Variants in PALB2 observed in about 807,000 individuals in gnomAD.
PALB2 encodes partner and localizer of BRCA2, also known as mutant partner and localizer of BRCA2.
Under a neutral mutation model 107.4 loss-of-function variants are expected in PALB2, and 82 were observed. That is an observed-to-expected ratio of 0.76 (90% CI 0.64 to 0.92). The LOEUF is 0.92. PALB2 is among the 40% of genes least tolerant of loss of function. The pLI is 0.00. For synonymous variants in PALB2, 489 were observed against 496.8 expected, an observed-to-expected ratio of 0.98 and a Z score of 0.21; for missense variants, 1,374 against 1,379.9, an observed-to-expected ratio of 1.00 and a Z score of 0.07.
intron 1 of PALB2, among the ~76,000 whole-genome samples, chr16:23,638,911 C>A (rs959761182): frequency 6.6e-6 from 1 of 152,128 alleles, no homozygotes; most frequent in Non-Finnish European, 1.5e-5. Flanking sequence ...TATAAAAGCT[C>A]TGCAGTGGAA....
rs57605939 is a variant in PALB2, at chr16:23,635,917, G to A, written c.629C>T (p.Pro210Leu). The part of the protein sequence containing the change: ...LSLKSELPDS[P>L]EPVTEINEDS... ...TTCATTAATTTCTGTAACTGGTTCTGGAGAATCTGGAAGTTCAGATTTAAG... is the reference window on the plus strand; with the variant it reads ...TTCATTAATTTCTGTAACTGGTTCTAGAGAATCTGGAAGTTCAGATTTAAG... Residue 210 changes from proline to leucine, a missense_variant, in exon 4 of 13, where the codon CCA becomes CTA. Transcript: ENST00000261584. 5,848 of 1,614,072 alleles carry A rather than the reference G, an allele frequency of 3.6e-3. 191 individuals carry two copies. In the African/African-American group the frequency reaches 0.069, roughly 19 times the overall value.
intron 11 of PALB2, among the ~76,000 whole-genome samples, chr16:23,613,071 A>C (rs113329586): frequency 5.3e-5 from 8 of 151,128 alleles, no homozygotes; most frequent in African/African-American, 1.9e-4. Flanking sequence ...GGGTACATGT[A>C]TTTGTTATGT....
At chr16:23,628,137 T>C (rs1488711221) in intron 6 of PALB2, among the ~76,000 whole-genome samples, 2 of 152,188 alleles carry the variant, frequency 1.3e-5, no homozygotes, top group Admixed American at 6.5e-5. Flanking sequence ...GGCACGAGAA[T>C]TGCTTGAACC....
intron 6 of PALB2, among the ~76,000 whole-genome samples, chr16:23,627,235 C>G (rs1966845170): frequency 6.6e-6 from 1 of 151,862 alleles, no homozygotes; most frequent in African/African-American, 2.4e-5. Context: ...CGCCTGTAAT[C>G]CCAGCACTTT....
rs2142409040 is a variant in PALB2 at position 23,634,847 on chromosome 16, C to T, written c.1684+15G>A. ...CATCATCATCATCATCATCATCAAA[C>T]ACATCTTGATTTACCTTTCACTTGA... On this transcript the variant is annotated intron_variant, in intron 4 of 12. Transcript: ENST00000261584. 6.2e-7 allele frequency: 1 copy of T among 1,608,000 alleles called. No individual in the cohort carries two copies. Among genetic ancestry groups the T allele is most frequent in the Non-Finnish European group, 8.5e-7 (1 of 1,176,688 alleles).
At position 23,635,983 on chromosome 16, in the gene PALB2, G is replaced by C. The variant is rs587781975; in HGVS notation, c.563C>G (p.Ala188Gly). 6.8e-6 allele frequency: 11 copies of C among 1,613,984 alleles called. No individual in the cohort carries two copies. The highest frequency in any genetic ancestry group is 9.3e-6 in the Non-Finnish European group (11 of 1,180,030). ...EQEEISSKNP[A>G]RSPVTEIRTH... ...TCTTATTTCAGTTACTGGTGATCTA[G>C]CAGGATTTTTGCTACTGATTTCTTC... Residue 188 changes from alanine (A) to glycine (G), a missense_variant, in exon 4 of 13, where the codon GCT becomes GGT. By Grantham distance (60) the Ala-to-Gly change is moderately conservative. Coordinates refer to ENST00000261584, the MANE Select transcript of PALB2 (RefSeq NM_024675.4).
chr16:23,631,038 C>A (rs928172457), intron 4 of PALB2, among the ~76,000 whole-genome samples: 1 of 147,116 alleles, frequency 6.8e-6, no homozygotes, highest in East Asian at 2.0e-4. Context: ...CTGAGGCAGG[C>A]GGATCACTTG....
At chr16:23,638,585 T>G (rs1967124560) in intron 1 of PALB2, 2 of 455,844 alleles carry the variant, frequency 4.4e-6, no homozygotes, top group African/African-American at 4.0e-5. Context: ...TCCAGGTATC[T>G]CTAGTACCTG....
Position 23,621,493 on chromosome 16 carries a change from G to T in PALB2, c.2997-15C>A, listed in dbSNP as rs1966773679. 1.3e-6 allele frequency: 2 copies of T among 1,526,558 alleles called. No homozygotes were observed. Among genetic ancestry groups the T allele is most frequent in the Non-Finnish European group, 1.8e-6 (2 of 1,100,548 alleles). 94.6% of individuals were successfully genotyped at this position (1,526,558 alleles called of 1,614,324 possible). A position where few individuals can be genotyped will look rare whatever the true frequency, so the allele number is the denominator to read the frequency against. On this transcript the variant is annotated splice_polypyrimidine_tract_variant and intron_variant, in intron 9 of 12. Coordinates refer to ENST00000261584, the MANE Select transcript of PALB2 (RefSeq NM_024675.4). ...TTTCTTTGCCTCTGTAATTAAAACAGTATGAAAAGTCAGTACTTTGCACTA... is the reference window on the plus strand; with the variant it reads ...TTTCTTTGCCTCTGTAATTAAAACATTATGAAAAGTCAGTACTTTGCACTA...
chr16:23,636,449 C>G lies in PALB2; in HGVS notation c.212-115G>C, dbSNP rs960700650. 5 of 753,074 alleles carry G rather than the reference C, an allele frequency of 6.6e-6. No individual in the cohort carries two copies. The African/African-American group carries it at 8.9e-5, about 13-fold the overall frequency. 46.6% of individuals were successfully genotyped at this position (753,074 alleles called of 1,614,324 possible). A position where few individuals can be genotyped will look rare whatever the true frequency, so the allele number is the denominator to read the frequency against. ...ACTAAACATTTATTTAAGAAAGAATCAGTGACATTTCATTCAGGCAGATGA... is the reference window on the plus strand; with the variant it reads ...ACTAAACATTTATTTAAGAAAGAATGAGTGACATTTCATTCAGGCAGATGA... On this transcript the variant is annotated intron_variant, in intron 3 of 12. Transcript: ENST00000261584.
At chr16:23,618,586 C>T (rs913745061) in intron 10 of PALB2, among the ~76,000 whole-genome samples, 5 of 151,584 alleles carry the variant, frequency 3.3e-5, no homozygotes, top group African/African-American at 7.3e-5. Context: ...TAAAAAATGA[C>T]CTGCGTTTGA....
At chr16:23,627,978 C>T (rs1966849918) in intron 6 of PALB2, among the ~76,000 whole-genome samples, 3 of 152,258 alleles carry the variant, frequency 2.0e-5, no homozygotes, top group Non-Finnish European at 1.5e-5. Context: ...GATCCCAGCA[C>T]TTTGGGAGGC....
Position 23,623,143 on chromosome 16 carries a change from T to C in PALB2, c.2835-13A>G, listed in dbSNP as rs1478108462. On this transcript the variant is annotated splice_polypyrimidine_tract_variant and intron_variant, in intron 8 of 12. Coordinates refer to ENST00000261584, the MANE Select transcript of PALB2 (RefSeq NM_024675.4). ...ACAAAACAATGCCCTAAGCCAAATA[T>C]AAGGAAAAATGGGGTGATGTGAGGA... is the stretch of plus-strand genomic sequence containing the variant. The C allele has an allele frequency of 6.2e-7, 1 of 1,608,934 alleles. No individual in the cohort carries two copies. The highest frequency in any genetic ancestry group is 1.3e-5 in the African/African-American group (1 of 74,238).
At chr16:23,611,541 C>T (rs1966588902) in intron 11 of PALB2, among the ~76,000 whole-genome samples, 1 of 152,140 alleles carries the variant, frequency 6.6e-6, no homozygotes, top group East Asian at 1.9e-4. Context: ...TCACTACAAC[C>T]TCTGCCCCCT....
chr16:23,611,466 A>T (rs779260), intron 11 of PALB2, among the ~76,000 whole-genome samples: 85,620 of 146,138 alleles, frequency 0.59, 24,618 homozygotes, highest in Admixed American at 0.64. Flanking sequence ...TATTATTATT[A>T]TTTTTTTTTG....
chr16:23,632,167 G>C lies in PALB2; in HGVS notation c.1685-1698C>G, dbSNP rs151323700. On this transcript the variant is annotated intron_variant, in intron 4 of 12. Transcript: ENST00000261584. Reference sequence around the variant, plus strand: ...TAAAAACATTATGCTAAGTGGCCAGGCTCAGTGGCTCACACCTATAATCCC... The same window carrying C: ...TAAAAACATTATGCTAAGTGGCCAGCCTCAGTGGCTCACACCTATAATCCC... 5.0e-4 allele frequency among the ~76,000 whole-genome samples: 76 copies of C among 152,306 alleles called. 1 individual carries two copies. The highest frequency in any genetic ancestry group is 5.9e-4 in the Non-Finnish European group (40 of 68,032).
intron 10 of PALB2, among the ~76,000 whole-genome samples, chr16:23,619,882 C>T (rs999656401): frequency 1.1e-4 from 17 of 152,078 alleles, no homozygotes; most frequent in African/African-American, 3.1e-4. Context: ...TGGGTTCAAG[C>T]GATTCTCCTA....
In PALB2 at chr16:23,623,000, CT is replaced by C. The variant is rs587781840; in HGVS notation, c.2964del (p.Val989Ter). On this transcript the variant is annotated frameshift_variant, in exon 9 of 13. Coordinates refer to ENST00000261584, the MANE Select transcript of PALB2 (RefSeq NM_024675.4). LOFTEE classifies it high-confidence loss of function. ...TCTTCTGCAAACGTCATGACTTCTA[CT>C]TGTTGATCAGAAAGGGTCCCACTGC... is the stretch of plus-strand genomic sequence containing the variant. ...VSSSGTLSDQ[Q>X]VEVMTFAEDG... 1.9e-6 allele frequency: 3 copies of C among 1,614,162 alleles called. No homozygotes were observed. The Admixed American group carries it at 5.0e-5, about 27-fold the overall frequency.
At chr16:23,604,662 A>C (rs1258862210) in intron 12 of PALB2, among the ~76,000 whole-genome samples, 4 of 151,224 alleles carry the variant, frequency 2.6e-5, no homozygotes, top group Non-Finnish European at 4.4e-5. Flanking sequence ...GCTACTCGGG[A>C]GGCTGAAGCA....
Sources: allele counts gnomAD v4.1 joint callset (sites outside exome capture counted in the v4.1 genomes callset), GRCh38; gene constraint gnomAD v4.1.1; transcripts MANE v1.5; gene names NCBI Gene and HGNC (gene_info 2026-07-23, HGNC 2026-07-21).